Variants in RHOBTB1 observed in about 807,000 individuals in gnomAD.
RHOBTB1 encodes the protein Rho related BTB domain containing 1, also known as rho-related BTB domain-containing protein 1.
Under a neutral mutation model 71.6 loss-of-function variants are expected in RHOBTB1, and 40 were observed. The observed-to-expected ratio is 0.56, with a 90% confidence interval of 0.43 to 0.73. The LOEUF (loss-of-function observed/expected upper bound fraction) is 0.73, where lower values mean the gene tolerates loss of function less well. RHOBTB1 is among the 30% of genes least tolerant of loss of function. RHOBTB1 has a pLI of 0.00. For synonymous variants in RHOBTB1, 319 were observed against 334.9 expected, an observed-to-expected ratio of 0.95 and a Z score of 0.52; for missense variants, 797 against 894.0, an observed-to-expected ratio of 0.89 and a Z score of 1.38.
intron 2 of RHOBTB1, among the ~76,000 whole-genome samples, chr10:60,926,990 C>CA (rs965823055): frequency 5.3e-5 from 8 of 151,994 alleles, no homozygotes; most frequent in South Asian, 2.1e-4. Context: ...AAAGATCCCA[C>CA]AAAAAACTAT....
the RHOBTB1 span, among the ~76,000 whole-genome samples, chr10:60,860,867 A>G: frequency 6.6e-6 from 1 of 152,108 alleles, no homozygotes; most frequent in South Asian, 2.1e-4. Context: ...TAATTTGGGT[A>G]TGTTCATTTA....
At chr10:60,962,326 A>G (rs966727385) in intron 2 of RHOBTB1, among the ~76,000 whole-genome samples, 3 of 152,152 alleles carry the variant, frequency 2.0e-5, no homozygotes, top group Non-Finnish European at 4.4e-5. Flanking sequence ...ATACTTACCT[A>G]CAATAGATAA....
At chr10:60,899,802 A>G (rs2082327978) in intron 4 of RHOBTB1, among the ~76,000 whole-genome samples, 1 of 152,230 alleles carries the variant, frequency 6.6e-6, no homozygotes. Context: ...CAGACAATCA[A>G]GAAGAAAAAT....
chr10:60,920,164 T>A (rs2083476672), intron 2 of RHOBTB1, among the ~76,000 whole-genome samples: 1 of 152,186 alleles, frequency 6.6e-6, no homozygotes. Context: ...ACTAAGGCAG[T>A]CTTAATTTAA....
intron 2 of RHOBTB1, among the ~76,000 whole-genome samples, chr10:60,925,886 A>G (rs2083850718): frequency 6.6e-6 from 1 of 152,198 alleles, no homozygotes; most frequent in Non-Finnish European, 1.5e-5. Flanking sequence ...GAATAGACCA[A>G]TAGCAAGTAA....
At chr10:60,922,386 A>G (rs1186388388) in intron 2 of RHOBTB1, among the ~76,000 whole-genome samples, 1 of 152,206 alleles carries the variant, frequency 6.6e-6, no homozygotes, top group African/African-American at 2.4e-5. Context: ...CTTTACCATC[A>G]TCTCATTGCA....
At chr10:60,928,539 T>G (rs2084029161) in intron 2 of RHOBTB1, among the ~76,000 whole-genome samples, 1 of 151,830 alleles carries the variant, frequency 6.6e-6, no homozygotes, top group South Asian at 2.1e-4. Context: ...AAATATTTCA[T>G]GTTCTCACTC....
chr10:60,884,049 G>A (rs2081452081), intron 7 of RHOBTB1, among the ~76,000 whole-genome samples: 1 of 152,192 alleles, frequency 6.6e-6, no homozygotes, highest in African/African-American at 2.4e-5. Context: ...CACCATAAGA[G>A]GCCATCAGGA....
chr10:60,873,974 C>A (rs974810794), intron 9 of RHOBTB1, among the ~76,000 whole-genome samples: 6 of 152,232 alleles, frequency 3.9e-5, no homozygotes, highest in African/African-American at 7.2e-5. Flanking sequence ...TCAATTCCGC[C>A]TTTTCCCCCT....
At chr10:60,964,392 A>T (rs2085889415) in intron 2 of RHOBTB1, among the ~76,000 whole-genome samples, 1 of 152,118 alleles carries the variant, frequency 6.6e-6, no homozygotes, top group African/African-American at 2.4e-5. Flanking sequence ...CAAGCCAAAA[A>T]TTTGAGACCT....
At chr10:60,872,358 A>G (rs549025922) in intron 9 of RHOBTB1, 68 bp from the exon 10 acceptor site, 1 of 1,088,986 alleles carries the variant, frequency 9.2e-7, no homozygotes, top group African/African-American at 1.5e-5. Flanking sequence ...AAATTGGGGA[A>G]GCCATTTTAA....
At chr10:60,908,093 A>G (rs1266724317) in intron 4 of RHOBTB1, among the ~76,000 whole-genome samples, 1 of 152,232 alleles carries the variant, frequency 6.6e-6, no homozygotes, top group Non-Finnish European at 1.5e-5. Context: ...TAAGAGAGCA[A>G]TAACACTGTG....
intron 4 of RHOBTB1, among the ~76,000 whole-genome samples, chr10:60,904,550 C>CT (rs2082568029): frequency 6.6e-6 from 1 of 152,136 alleles, no homozygotes; most frequent in South Asian, 2.1e-4. Context: ...CTTGGCGTCC[C>CT]TTACTCAAAA....
intron 7 of RHOBTB1, among the ~76,000 whole-genome samples, chr10:60,879,852 A>G (rs1270430796): frequency 6.6e-6 from 1 of 152,136 alleles, no homozygotes; most frequent in East Asian, 1.9e-4. Context: ...AGCCATCTCT[A>G]TCTGTGGGTT....
chr10:60,947,360 C>T (rs2085272148), upstream of RHOBTB1, among the ~76,000 whole-genome samples: 1 of 151,994 alleles, frequency 6.6e-6, no homozygotes, highest in South Asian at 2.1e-4. Context: ...AAACTTTTGA[C>T]TAGTTTTTAT....
intron 2 of RHOBTB1, among the ~76,000 whole-genome samples, chr10:60,962,460 G>A (rs572086620): frequency 1.3e-5 from 2 of 152,038 alleles, no homozygotes; most frequent in Non-Finnish European, 2.9e-5. Flanking sequence ...AAATAAAGTC[G>A]AAAGTATTTA....
At position 60,869,464 on chromosome 10, in the gene RHOBTB1, T is replaced by C. The variant is rs2080679991; in HGVS notation, c.*2018A>G. 1 of 152,784 alleles carries C rather than the reference T, an allele frequency of 6.5e-6. No homozygotes were observed. Among genetic ancestry groups the C allele is most frequent in the African/African-American group, 2.4e-5 (1 of 41,588 alleles). The allele number at this position is 152,784 out of a possible 1,614,324, so 9.5% of individuals were successfully genotyped here. Reference sequence around the variant, plus strand: ...TTTATAGCTAAACAATTTTATTGGCTTTTTGTGAAATAAAAAACACACAAC... The same window carrying C: ...TTTATAGCTAAACAATTTTATTGGCCTTTTGTGAAATAAAAAACACACAAC... On this transcript the variant is annotated 3_prime_UTR_variant, in exon 11 of 11. Transcript: ENST00000337910.
chr10:60,875,261 G>T (rs1359202238), intron 8 of RHOBTB1, among the ~76,000 whole-genome samples: 1 of 152,178 alleles, frequency 6.6e-6, no homozygotes, highest in Non-Finnish European at 1.5e-5. Flanking sequence ...GGGGACTCTA[G>T]TTCATGGCTC....
At chr10:60,931,253 G>A (rs922612084) in intron 2 of RHOBTB1, among the ~76,000 whole-genome samples, 6 of 152,044 alleles carry the variant, frequency 3.9e-5, no homozygotes, top group South Asian at 2.1e-4. Flanking sequence ...TATTAACAGG[G>A]TTGTGCAACC....
Sources: allele counts gnomAD v4.1 joint callset (sites outside exome capture counted in the v4.1 genomes callset), GRCh38; gene constraint gnomAD v4.1.1; transcripts MANE v1.5; gene names NCBI Gene and HGNC (gene_info 2026-07-23, HGNC 2026-07-21).